Variants in COL5A2 observed in about 807,000 individuals in gnomAD.
The protein encoded by COL5A2 is collagen alpha-2(V) chain.
In COL5A2, 23 loss-of-function variants were observed where a neutral mutation model predicts 208.2. The observed-to-expected ratio is 0.11, with a 90% confidence interval of 0.08 to 0.16. The LOEUF is 0.16. Ranked by LOEUF, COL5A2 falls within the 10% of genes least tolerant of loss-of-function variation. COL5A2 has a pLI of 1.00. For missense variants in COL5A2, 1,590 were observed against 1,956.4 expected, an observed-to-expected ratio of 0.81 and a Z score of 3.53; for synonymous variants, 625 against 628.5, an observed-to-expected ratio of 0.99 and a Z score of 0.08.
the COL5A2 span, among the ~76,000 whole-genome samples, chr2:189,332,912 T>C: frequency 6.6e-6 from 1 of 152,088 alleles, no homozygotes; most frequent in East Asian, 1.9e-4. Flanking sequence ...AAATCTACAA[T>C]TAATGTAAAA....
At chr2:189,348,472 T>C in the COL5A2 span, among the ~76,000 whole-genome samples, 1,620 of 152,278 alleles carry the variant, frequency 0.011, 14 homozygotes, top group Non-Finnish European at 0.018. Flanking sequence ...ACGTTCTAGT[T>C]ATGAAATAAG....
At chr2:189,365,682 A>G in the COL5A2 span, among the ~76,000 whole-genome samples, 1 of 152,244 alleles carries the variant, frequency 6.6e-6, no homozygotes, top group South Asian at 2.1e-4. Context: ...GGTCAAAACA[A>G]GAATGGGAAG....
intron 1 of COL5A2, among the ~76,000 whole-genome samples, chr2:189,186,863 T>G (rs1007910779): frequency 6.6e-6 from 1 of 152,252 alleles, no homozygotes; most frequent in Admixed American, 6.5e-5. Context: ...AAAATATATC[T>G]TTAACATTTA....
chr2:189,067,015 A>AT (rs1686170378), intron 21 of COL5A2, among the ~76,000 whole-genome samples: 2 of 152,242 alleles, frequency 1.3e-5, no homozygotes, highest in South Asian at 2.1e-4. Context: ...TCTTTAAGAG[A>AT]TTTATTTTTA....
At chr2:189,411,766 GAACAGCTTTCTAATTAAAA>G in the COL5A2 span, among the ~76,000 whole-genome samples, 166 of 152,192 alleles carry the variant, frequency 1.1e-3, 2 homozygotes, top group East Asian at 0.014. Flanking sequence ...TGATTAGGGT[GAACAGCTTTCTAATTAAAA>G]AACAGTTAAA....
chr2:189,307,020 T>A, the COL5A2 span, among the ~76,000 whole-genome samples: 1 of 152,214 alleles, frequency 6.6e-6, no homozygotes, highest in South Asian at 2.1e-4. Flanking sequence ...ATTTTGTATG[T>A]CTTTGTCTGC....
Position 189,085,775 on chromosome 2 carries a change from A to G in COL5A2, c.691-3T>C, listed in dbSNP as rs896638063. 6.2e-7 allele frequency: 1 copy of G among 1,610,990 alleles called. No homozygotes were observed. On this transcript the variant is annotated splice_region_variant and splice_polypyrimidine_tract_variant and intron_variant, in intron 9 of 53. Coordinates refer to ENST00000374866, the MANE Select transcript of COL5A2 (RefSeq NM_000393.5). ...GGTCCTGTAGGTCCTGCACCACCCT[A>G]CAGTTGAAAACAAAGTATATATACA...
chr2:189,077,494 T>C (rs1363075764), intron 16 of COL5A2, among the ~76,000 whole-genome samples: 5 of 152,168 alleles, frequency 3.3e-5, no homozygotes, highest in African/African-American at 1.2e-4. Context: ...CTTAGAAATG[T>C]GGGAAGAGCA....
Position 189,057,311 on chromosome 2 carries a change from A to AT in COL5A2, c.2337+8_2337+9insA. The AT allele has an allele frequency of 3.4e-6, 5 of 1,466,426 alleles. No homozygotes were observed. The highest frequency in any genetic ancestry group is 2.4e-5 in the South Asian group (2 of 82,204). 90.8% of individuals were successfully genotyped at this position (1,466,426 alleles called of 1,614,324 possible). ...AACTGAAAAAAAAAAAAAAAAAAAA[A>AT]GGACTTACTCTGTCACCCTTGGGGC... On this transcript the variant is annotated intron_variant, in intron 34 of 53. Transcript: ENST00000374866.
At chr2:189,177,943 T>C (rs1463890618) in intron 1 of COL5A2, among the ~76,000 whole-genome samples, 1 of 152,204 alleles carries the variant, frequency 6.6e-6, no homozygotes, top group Admixed American at 6.5e-5. Context: ...GAAAGTGGTA[T>C]TAAAGGTTTT....
chr2:189,104,128 T>C, intron 3 of COL5A2, 136 bp downstream of exon 3: 1 of 723,086 alleles, frequency 1.4e-6, no homozygotes, highest in Non-Finnish European at 2.6e-6. Flanking sequence ...ACTGTGCTTA[T>C]ATACTTGTCA....
chr2:189,324,299 G>A, the COL5A2 span, among the ~76,000 whole-genome samples: 13 of 152,306 alleles, frequency 8.5e-5, no homozygotes, highest in African/African-American at 2.9e-4. Context: ...GGCAACAGAA[G>A]CCAAAATTGA....
chr2:189,261,676 G>A, the COL5A2 span, among the ~76,000 whole-genome samples: 1 of 152,180 alleles, frequency 6.6e-6, no homozygotes, highest in Non-Finnish European at 1.5e-5. Context: ...AATACGTGTA[G>A]CTCACACTCA....
At chr2:189,095,311 C>T (rs891316955) in intron 6 of COL5A2, among the ~76,000 whole-genome samples, 3 of 152,128 alleles carry the variant, frequency 2.0e-5, no homozygotes, top group African/African-American at 7.2e-5. Flanking sequence ...CAAAGCTATA[C>T]ATCATTTCAT....
chr2:189,276,101 ACTAT>A, the COL5A2 span, among the ~76,000 whole-genome samples: 1 of 152,184 alleles, frequency 6.6e-6, no homozygotes, highest in Non-Finnish European at 1.5e-5. Context: ...TAGACTAATA[ACTAT>A]CTTTCTGTCC....
chr2:189,088,772 G>T lies in COL5A2; in HGVS notation c.568C>A (p.Pro190Thr), dbSNP rs772466115. 1 of 1,613,528 alleles carries T rather than the reference G, an allele frequency of 6.2e-7. No individual in the cohort carries two copies. The highest frequency in any genetic ancestry group is 1.3e-5 in the African/African-American group (1 of 75,008). ...SHPGPDGLSR[P>T]FSAQMAGLDE... ...AACCCAGCCATTTGAGCTGAAAACG[G>T]CTGTAAAAGCGATATGTTGACATTA... The change falls in exon 8 of 54, where the codon CCG becomes ACG. Residue 190 changes from proline (P) to threonine (T), a missense_variant and splice_region_variant. Physicochemically the swap from Pro to Thr is conservative, Grantham distance 38 (BLOSUM62 -1). Transcript: ENST00000374866.
At chr2:189,058,288 C>T (rs1685944586) in intron 33 of COL5A2, 141 bp downstream of exon 33, 1 of 761,522 alleles carries the variant, frequency 1.3e-6, no homozygotes, top group Non-Finnish European at 2.3e-6. Flanking sequence ...AGTAAGCGCT[C>T]ATTAAATATT....
chr2:189,436,165 C>T, the COL5A2 span, among the ~76,000 whole-genome samples: 53 of 151,772 alleles, frequency 3.5e-4, no homozygotes, highest in Non-Finnish European at 7.4e-4. Flanking sequence ...CATCACACAC[C>T]TAAAACCATA....
the COL5A2 span, among the ~76,000 whole-genome samples, chr2:189,381,640 G>T: frequency 6.6e-6 from 1 of 152,056 alleles, no homozygotes; most frequent in Non-Finnish European, 1.5e-5. Flanking sequence ...AAAGAGGGTA[G>T]TAGGTAGATA....
Sources: allele counts gnomAD v4.1 joint callset (sites outside exome capture counted in the v4.1 genomes callset), GRCh38; gene constraint gnomAD v4.1.1; transcripts MANE v1.5; gene names NCBI Gene and HGNC (gene_info 2026-07-23, HGNC 2026-07-21).